The following FAM168A variants were observed in gnomAD, a reference collection of about 807,000 sequenced individuals.
FAM168A encodes the protein protein FAM168A.
In FAM168A, 3 loss-of-function variants were observed where a neutral mutation model predicts 28.5. The ratio of observed to expected loss-of-function variants is 0.11; its 90% CI spans 0.05 to 0.27. FAM168A has a LOEUF of 0.27. Among genes scored for constraint, FAM168A ranks in the 10% least tolerant of loss-of-function variants. The pLI is 1.00. For missense variants in FAM168A, 222 were observed against 311.5 expected (o/e 0.71, Z 2.16); for synonymous variants, 122 against 124.2 (o/e 0.98, Z 0.12).
chr11:73,548,142 A>G (rs1943782924), intron 1 of FAM168A, among the ~76,000 whole-genome samples: 1 of 152,162 alleles, frequency 6.6e-6, no homozygotes, highest in Admixed American at 6.6e-5. Context: ...CAAGAAAAAA[A>G]TGTTGTAGAG....
At chr11:73,419,623 C>A (rs1242110803) in intron 4 of FAM168A, among the ~76,000 whole-genome samples, 1 of 152,198 alleles carries the variant, frequency 6.6e-6, no homozygotes, top group African/African-American at 2.4e-5. Flanking sequence ...CTTCCCCAAT[C>A]AACTTGTTGG....
intron 1 of FAM168A, among the ~76,000 whole-genome samples, chr11:73,525,703 A>G (rs1274468630): frequency 1.3e-5 from 2 of 152,172 alleles, no homozygotes; most frequent in Non-Finnish European, 2.9e-5. Flanking sequence ...CTGCAGCCTA[A>G]GTTTTCTGCT....
At chr11:73,473,672 T>C (rs947438123) in intron 1 of FAM168A, among the ~76,000 whole-genome samples, 11 of 152,172 alleles carry the variant, frequency 7.2e-5, no homozygotes, top group South Asian at 2.1e-4. Flanking sequence ...AGAATGCCCT[T>C]TTCCCCAGAT....
intron 1 of FAM168A, among the ~76,000 whole-genome samples, chr11:73,577,072 A>G (rs2134729274): frequency 6.6e-6 from 1 of 152,338 alleles, no homozygotes; most frequent in African/African-American, 2.4e-5. Flanking sequence ...GCTGAACCGC[A>G]TCACGGAATA....
rs56294455 is a variant in FAM168A, at chr11:73,445,419, C to CTTTTTTTTTTTTTT, written c.71-14663_71-14650dup. Among the ~76,000 whole-genome samples, 105 of 50,466 alleles carry CTTTTTTTTTTTTTT rather than the reference C, an allele frequency of 2.1e-3. 9 individuals are homozygous for CTTTTTTTTTTTTTT. The highest frequency in any genetic ancestry group is 3.0e-3 in the Non-Finnish European group (83 of 27,322). The allele number at this position is 50,466 out of a possible 152,430, so 33.1% of individuals were successfully genotyped here. A position where few individuals can be genotyped will look rare whatever the true frequency, so the allele number is the denominator to read the frequency against. ...CCAGTAGATATATGTAAAAATGTCT[C>CTTTTTTTTTTTTTT]TTTTTTTTTTTTTTTTTTTTTTTTT... On this transcript the variant is annotated intron_variant, in intron 2 of 7. Coordinates refer to ENST00000356467, the MANE Select transcript of FAM168A (RefSeq NM_015159.3).
intron 5 of FAM168A, chr11:73,410,607 C>A (rs1216588465): frequency 2.0e-5 from 3 of 151,982 alleles, no homozygotes; most frequent in African/African-American, 7.3e-5. Flanking sequence ...TAAACAGGAG[C>A]CCCTGAGATC....
intron 1 of FAM168A, among the ~76,000 whole-genome samples, chr11:73,471,745 T>G (rs1034777623): frequency 6.6e-6 from 1 of 152,192 alleles, no homozygotes; most frequent in Non-Finnish European, 1.5e-5. Context: ...TCTAGAGGAA[T>G]TGAGATACAG....
intron 1 of FAM168A, among the ~76,000 whole-genome samples, chr11:73,582,276 C>T (rs1944257484): frequency 6.6e-6 from 1 of 152,018 alleles, no homozygotes; most frequent in African/African-American, 2.4e-5. Flanking sequence ...AATCCCAGCA[C>T]TTTGGGAGGC....
chr11:73,488,732 A>C (rs1346785392), intron 1 of FAM168A, among the ~76,000 whole-genome samples: 1 of 152,108 alleles, frequency 6.6e-6, no homozygotes, highest in African/African-American at 2.4e-5. Context: ...ACACTACTTC[A>C]AGTCATTTCA....
At chr11:73,434,868 A>G (rs1867061856) in intron 2 of FAM168A, among the ~76,000 whole-genome samples, 1 of 152,242 alleles carries the variant, frequency 6.6e-6, no homozygotes, top group Admixed American at 6.5e-5. Flanking sequence ...TGTGGGATTC[A>G]GGGAAATAGT....
Position 73,468,398 on chromosome 11 carries a change from T to C in FAM168A, c.70+7A>G, listed in dbSNP as rs1401384741. 1.9e-6 allele frequency: 3 copies of C among 1,613,544 alleles called. No homozygotes were observed. Among genetic ancestry groups the C allele is most frequent in the African/African-American group, 1.3e-5 (1 of 74,906 alleles). The stretch of plus-strand genomic sequence containing the variant: ...CTCAAAATGAGAGCCATTCTCACAC[T>C]ACTCACCCGTGTAGGCCATGTTCTT... On this transcript the variant is annotated splice_region_variant and intron_variant, in intron 2 of 7. Transcript: ENST00000356467.
At chr11:73,545,641 G>A (rs1227797044) in intron 1 of FAM168A, among the ~76,000 whole-genome samples, 4 of 149,466 alleles carry the variant, frequency 2.7e-5, no homozygotes. Context: ...ATAATCTTGG[G>A]CTTATTTTGG....
chr11:73,588,019 G>C (rs971878453), intron 1 of FAM168A, among the ~76,000 whole-genome samples: 4 of 151,976 alleles, frequency 2.6e-5, no homozygotes, highest in Admixed American at 6.6e-5. Context: ...CAAAGTGCTG[G>C]GATTACAGAC....
chr11:73,530,330 GGAGC>G (rs140888214), intron 1 of FAM168A, among the ~76,000 whole-genome samples: 4,520 of 152,274 alleles, frequency 0.03, 221 homozygotes, highest in African/African-American at 0.1. Flanking sequence ...CTTTCCCAGT[GGAGC>G]GAGTGGCTAT....
At chr11:73,430,435 C>T in intron 3 of FAM168A, 1 of 418,140 alleles carries the variant, frequency 2.4e-6, no homozygotes, top group Non-Finnish European at 4.5e-6. Context: ...GAGGAGGATG[C>T]AGGTCTCAGA....
At chr11:73,550,773 G>A (rs754046778) in intron 1 of FAM168A, among the ~76,000 whole-genome samples, 9 of 151,972 alleles carry the variant, frequency 5.9e-5, no homozygotes, top group Non-Finnish European at 1.3e-4. Flanking sequence ...TGGACAGCAG[G>A]TGAAAAGTAG....
intron 1 of FAM168A, among the ~76,000 whole-genome samples, chr11:73,516,249 T>C (rs993240478): frequency 3.3e-5 from 5 of 152,200 alleles, no homozygotes; most frequent in Admixed American, 1.3e-4. Flanking sequence ...CCTAAATGTG[T>C]CCTGGCTCTG....
chr11:73,561,088 AC>A (rs1461415784), intron 1 of FAM168A, among the ~76,000 whole-genome samples: 1 of 139,896 alleles, frequency 7.1e-6, no homozygotes, highest in Non-Finnish European at 1.5e-5. Context: ...AAACAAAAAG[AC>A]CGGGCGCGGT....
At chr11:73,537,895 C>G (rs1039583512) in intron 1 of FAM168A, among the ~76,000 whole-genome samples, 5 of 152,194 alleles carry the variant, frequency 3.3e-5, no homozygotes, top group Non-Finnish European at 5.9e-5. Flanking sequence ...TACACACACA[C>G]TTGCATAAAT....
Sources: gnomAD v4.1 joint callset for allele counts (sites outside exome capture counted in the v4.1 genomes callset) on GRCh38, gnomAD v4.1.1 for gene constraint, MANE v1.5 for transcripts, NCBI Gene and HGNC (gene_info 2026-07-23, HGNC 2026-07-21) for gene names.